GRAMD2A: variants seen among roughly 807,000 people sequenced by gnomAD.
GRAMD2A encodes the protein GRAM domain-containing protein 2A.
A neutral mutation model predicts 51.1 loss-of-function variants in GRAMD2A; 37 were observed. The observed-to-expected ratio is 0.72, with a 90% CI of 0.56 to 0.95. GRAMD2A has a LOEUF of 0.95. GRAMD2A is among the 40% of genes least tolerant of loss of function. The pLI is 0.00. For synonymous variants in GRAMD2A, 136 were observed against 157.1 expected, an observed-to-expected ratio of 0.87 and a Z score of 1.01; for missense variants, 414 against 426.9, an observed-to-expected ratio of 0.97 and a Z score of 0.27.
chr15:72,173,843 C>T (rs752212828), intron 1 of GRAMD2A: 3 of 147,420 alleles, frequency 2.0e-5, no homozygotes, highest in Non-Finnish European at 4.5e-5. Flanking sequence ...GCAGCAAAGT[C>T]GCTTGAACCC....
chr15:72,175,188 C>G (rs2081644154), intron 1 of GRAMD2A, among the ~76,000 whole-genome samples: 4 of 152,132 alleles, frequency 2.6e-5, no homozygotes, highest in Non-Finnish European at 5.9e-5. Flanking sequence ...CCAAGATAAC[C>G]CATAAAACCA....
chr15:72,190,030 C>T (rs753759722), intron 1 of GRAMD2A, among the ~76,000 whole-genome samples: 4 of 152,200 alleles, frequency 2.6e-5, no homozygotes, highest in Admixed American at 1.3e-4. Context: ...TATGCCTATA[C>T]ATGAATATCA....
intron 10 of GRAMD2A, chr15:72,162,638 A>C (rs995569643): frequency 5.5e-6 from 2 of 365,318 alleles, no homozygotes; most frequent in Non-Finnish European, 1.0e-5. Flanking sequence ...AGCTCTGGCC[A>C]GACAGCCAGA....
intron 1 of GRAMD2A, among the ~76,000 whole-genome samples, chr15:72,183,299 A>G (rs1397146326): frequency 6.8e-6 from 1 of 147,552 alleles, no homozygotes; most frequent in Non-Finnish European, 1.5e-5. Flanking sequence ...GGCAGATCAC[A>G]TGGTCAGGAG....
rs76191914 is a variant in GRAMD2A, at chr15:72,170,788, C to T, written c.42-849G>A. Reference sequence around the variant, plus strand: ...AGAGAGGGTGGCCAAGAAGCAGGGCCGTGCTGGGGCAGTGTGGTGGTCAGG... The same window carrying T: ...AGAGAGGGTGGCCAAGAAGCAGGGCTGTGCTGGGGCAGTGTGGTGGTCAGG... On this transcript the variant is annotated intron_variant, in intron 1 of 11. Transcript: ENST00000309731. This position sits in a 1 kb window ranked among gnomAD's most constrained non-coding sequence, Gnocchi z 4.5. Among the ~76,000 whole-genome samples, 651 of 152,280 alleles carry T rather than the reference C, an allele frequency of 4.3e-3. 3 individuals are homozygous for T. Among genetic ancestry groups the T allele is most frequent in the Middle Eastern group, 0.01 (3 of 294 alleles).
At chr15:72,163,168 CT>C (rs1174597275) in intron 10 of GRAMD2A, 97 bp downstream of exon 10, 6 of 799,430 alleles carry the variant, frequency 7.5e-6, no homozygotes, top group Non-Finnish European at 1.2e-5. Context: ...AAACTTCCCC[CT>C]GGTTCTGAAT....
rs1382378269 is a variant in GRAMD2A, at chr15:72,159,871, C to T, written c.*2138G>A. On this transcript the variant is annotated 3_prime_UTR_variant, in exon 12 of 12. Coordinates refer to ENST00000309731, the MANE Select transcript of GRAMD2A (RefSeq NM_001012642.3). The stretch of plus-strand genomic sequence containing the variant: ...AAAGGCTAAGGCCATAGCAAAACAA[C>T]CCAAGGGTGGTTGAATCAAACTCAG... 2 of 152,150 alleles carry T rather than the reference C, an allele frequency of 1.3e-5. No individual in the cohort carries two copies. Among genetic ancestry groups the T allele is most frequent in the African/African-American group, 2.4e-5 (1 of 41,420 alleles). 9.4% of individuals were successfully genotyped at this position (152,150 alleles called of 1,614,324 possible). A position where few individuals can be genotyped will look rare whatever the true frequency, so the allele number is the denominator to read the frequency against.
intron 7 of GRAMD2A, among the ~76,000 whole-genome samples, chr15:72,165,646 T>C (rs2081534716): frequency 6.6e-6 from 1 of 151,686 alleles, no homozygotes; most frequent in South Asian, 2.1e-4. Context: ...TTCCTCACCA[T>C]AGGCAGAGAG....
chr15:72,170,200 A>C lies in GRAMD2A; in HGVS notation c.42-261T>G, dbSNP rs1347551003. ...TATGCCTAGGCTGGGAGGAAAATCA[A>C]CCTGTCTACCTCATCTCCAGTGCCA... On this transcript the variant is annotated intron_variant, in intron 1 of 11. Transcript: ENST00000309731. The surrounding 1 kb of genome is among the most constrained non-coding windows in gnomAD (Gnocchi z 4.5). 6.7e-6 allele frequency: 4 copies of C among 594,368 alleles called. No individual in the cohort carries two copies. Among genetic ancestry groups the C allele is most frequent in the Non-Finnish European group, 1.3e-5 (4 of 316,550 alleles). 36.8% of individuals were successfully genotyped at this position (594,368 alleles called of 1,614,324 possible). A position where few individuals can be genotyped will look rare whatever the true frequency, so the allele number is the denominator to read the frequency against.
At position 72,197,756 on chromosome 15, in the gene GRAMD2A, G is replaced by A. The variant is rs754649652; in HGVS notation, c.16C>T (p.Arg6Trp). Residue 6 changes from arginine (R) to tryptophan (W), a missense_variant, in exon 1 of 12, where the codon CGG becomes TGG. Transcript: ENST00000309731. ...CCGCCCTCCTCGGTGGCCTCGCTCC[G>A]GCTTAAAGCGGTCATCCCGGCGCCT... Reference protein sequence around the residue: MTALSRSEATEEGGNQ... With the variant: MTALSWSEATEEGGNQ... The A allele has an allele frequency of 7.0e-5, 93 of 1,324,558 alleles. No individual in the cohort carries two copies. In the Middle Eastern group the frequency reaches 1.1e-3, roughly 16 times the overall value. 82.1% of individuals were successfully genotyped at this position (1,324,558 alleles called of 1,614,324 possible). A position where few individuals can be genotyped will look rare whatever the true frequency, so the allele number is the denominator to read the frequency against.
At chr15:72,196,785 AGAC>A (rs996438981) in intron 1 of GRAMD2A, among the ~76,000 whole-genome samples, 1 of 152,194 alleles carries the variant, frequency 6.6e-6, no homozygotes, top group Admixed American at 6.5e-5. Context: ...GCAGAGACAC[AGAC>A]GACAGCGGGG....
At chr15:72,191,917 G>A (rs1036261355) in intron 1 of GRAMD2A, among the ~76,000 whole-genome samples, 13 of 152,170 alleles carry the variant, frequency 8.5e-5, no homozygotes, top group Admixed American at 3.3e-4. Context: ...TTTAGTCAAA[G>A]TATAAACTTC....
Position 72,166,888 on chromosome 15 carries a change from C to T in GRAMD2A, c.471+106G>A. The T allele has an allele frequency of 1.0e-6, 1 of 982,054 alleles. No individual in the cohort carries two copies. The highest frequency in any genetic ancestry group is 1.6e-6 in the Non-Finnish European group (1 of 615,680). The allele number at this position is 982,054 out of a possible 1,614,324, so 60.8% of individuals were successfully genotyped here. A position where few individuals can be genotyped will look rare whatever the true frequency, so the allele number is the denominator to read the frequency against. ...GCCTGAAATACCTACTGGAGAGCTG[C>T]AGGGTGGGGTGAAATAAAGACCTGG... On this transcript the variant is annotated intron_variant, in intron 6 of 11. Coordinates refer to ENST00000309731, the MANE Select transcript of GRAMD2A (RefSeq NM_001012642.3). This position sits in a 1 kb window ranked among gnomAD's most constrained non-coding sequence, Gnocchi z 4.1.
chr15:72,164,078 A>T (rs2081513351), intron 8 of GRAMD2A, among the ~76,000 whole-genome samples: 2 of 152,206 alleles, frequency 1.3e-5, no homozygotes, highest in South Asian at 4.1e-4. Context: ...TCGGCACAAC[A>T]TGTCTTAGGT....
At chr15:72,191,390 AC>A (rs2081766811) in intron 1 of GRAMD2A, among the ~76,000 whole-genome samples, 1 of 152,080 alleles carries the variant, frequency 6.6e-6, no homozygotes, top group East Asian at 1.9e-4. Flanking sequence ...TTTAGTAGAG[AC>A]AGGGTTTCAC....
In GRAMD2A at chr15:72,161,700, T is replaced by G; in HGVS notation, c.*309A>C. 2.9e-6 allele frequency: 1 copy of G among 346,630 alleles called. No homozygotes were observed. The highest frequency in any genetic ancestry group is 5.5e-6 in the Non-Finnish European group (1 of 181,330). 21.5% of individuals were successfully genotyped at this position (346,630 alleles called of 1,614,324 possible). A position where few individuals can be genotyped will look rare whatever the true frequency, so the allele number is the denominator to read the frequency against. On this transcript the variant is annotated 3_prime_UTR_variant, in exon 12 of 12. Transcript: ENST00000309731. ...CCAGAACTGTTTCCAAGGACCCAGT[T>G]TGTTTGTTTGTTTGTTTTCTCTAAG... is the stretch of plus-strand genomic sequence containing the variant.
At chr15:72,171,065 C>T (rs1370365825) in intron 1 of GRAMD2A, among the ~76,000 whole-genome samples, 1 of 152,210 alleles carries the variant, frequency 6.6e-6, no homozygotes, top group African/African-American at 2.4e-5. Context: ...CAGGCTGTGT[C>T]CGGTCCTACA....
intron 1 of GRAMD2A, among the ~76,000 whole-genome samples, chr15:72,185,987 T>C (rs561073249): frequency 6.6e-6 from 1 of 152,194 alleles, no homozygotes; most frequent in African/African-American, 2.4e-5. Flanking sequence ...ACATAAAAGA[T>C]TTAATTGCAT....
chr15:72,179,060 C>T (rs571108628), intron 1 of GRAMD2A, among the ~76,000 whole-genome samples: 4 of 152,320 alleles, frequency 2.6e-5, no homozygotes, highest in East Asian at 1.9e-4. Flanking sequence ...CCCCTGGCAG[C>T]GGGCTCCAGA....
Sources: gnomAD v4.1 joint callset for allele counts (sites outside exome capture counted in the v4.1 genomes callset) on GRCh38, gnomAD v4.1.1 for gene constraint, Gnocchi (gnomAD v3.1) non-coding constraint, MANE v1.5 for transcripts, NCBI Gene and HGNC (gene_info 2026-07-23, HGNC 2026-07-21) for gene names.